MCMDC2: variants seen among roughly 807,000 people sequenced by gnomAD.
MCMDC2 encodes the protein minichromosome maintenance domain-containing protein 2.
Under a neutral mutation model 75.8 loss-of-function variants are expected in MCMDC2, and 54 were observed. The observed-to-expected ratio is 0.71, with a 90% confidence interval of 0.57 to 0.89. The LOEUF is 0.89. Ranked by LOEUF, MCMDC2 falls within the 40% of genes least tolerant of loss-of-function variation. The pLI, the probability that MCMDC2 is intolerant of heterozygous loss-of-function variation, is 0.00. For missense variants in MCMDC2, 656 were observed against 780.4 expected (o/e 0.84, Z 1.90); for synonymous variants, 249 against 274.6 (o/e 0.91, Z 0.92).
At chr8:66,894,738 AAC>A (rs1368344892) in intron 10 of MCMDC2, among the ~76,000 whole-genome samples, 1 of 152,158 alleles carries the variant, frequency 6.6e-6, no homozygotes, top group Non-Finnish European at 1.5e-5. Context: ...CATTTTTTGT[AAC>A]AGTTTTATTG....
At chr8:66,890,215 A>G (rs1247908062) in intron 9 of MCMDC2, among the ~76,000 whole-genome samples, 1 of 152,086 alleles carries the variant, frequency 6.6e-6, no homozygotes, top group Non-Finnish European at 1.5e-5. Context: ...ACAGGCATGT[A>G]ATTACAGGCC....
At chr8:66,895,944 G>A (rs16933097) in intron 10 of MCMDC2, among the ~76,000 whole-genome samples, 17,516 of 152,028 alleles carry the variant, frequency 0.12, 2,104 homozygotes, top group African/African-American at 0.3. Context: ...TTCCAGCTAC[G>A]TGCTTTGGAC....
rs1293395630 is a variant in MCMDC2, at chr8:66,889,424, G to A, written c.1074-1441G>A. Among the ~76,000 whole-genome samples, 15 of 152,246 alleles carry A rather than the reference G, an allele frequency of 9.9e-5. No individual in the cohort carries two copies. The East Asian group carries it at 2.7e-3, about 27-fold the overall frequency. On this transcript the variant is annotated intron_variant, in intron 9 of 14. Transcript: ENST00000422365. ...CAGGCAGGATTGCATGAGTCCAGGA[G>A]TTTGAGGCTGTGTGTGCTATGACTG... is the stretch of plus-strand genomic sequence containing the variant.
At chr8:66,884,787 T>C (rs574297210) in intron 9 of MCMDC2, among the ~76,000 whole-genome samples, 7 of 151,888 alleles carry the variant, frequency 4.6e-5, no homozygotes, top group Non-Finnish European at 7.4e-5. Flanking sequence ...TTGTTATCAT[T>C]ATTTTTTGAG....
rs762445720 is a variant in MCMDC2, at chr8:66,878,639, T to G, written c.547T>G (p.Leu183Val). 6.4e-7 allele frequency: 1 copy of G among 1,572,820 alleles called. No homozygotes were observed. Among genetic ancestry groups the G allele is most frequent in the South Asian group, 1.2e-5 (1 of 80,610 alleles). Residue 183 changes from leucine (L) to valine (V), a missense_variant, in exon 6 of 15, where the codon TTG becomes GTG. Physicochemically the swap from Leu to Val is conservative, Grantham distance 32. Transcript: ENST00000422365. ...ATCTGCAACGATAAGAAATGACTTT[T>G]TGTGTAATCTATGTGCATCTTCACT... is the stretch of plus-strand genomic sequence containing the variant. ...TESATIRNDF[L>V]CNLCASSLQE...
intron 4 of MCMDC2, among the ~76,000 whole-genome samples, chr8:66,875,063 C>T (rs1348039603): frequency 1.3e-5 from 2 of 151,768 alleles, no homozygotes; most frequent in South Asian, 2.1e-4. Context: ...CAACATTAAA[C>T]ACTTTTATAA....
At chr8:66,891,151 G>T (rs1812090525) in intron 10 of MCMDC2, 81 bp downstream of exon 10, 1 of 1,208,538 alleles carries the variant, frequency 8.3e-7, no homozygotes, top group Non-Finnish European at 1.1e-6. Flanking sequence ...AGTTAAGATA[G>T]TATTGCAGTT....
chr8:66,884,666 G>A (rs1811748383), intron 9 of MCMDC2: 1 of 151,886 alleles, frequency 6.6e-6, no homozygotes, highest in African/African-American at 2.4e-5. Flanking sequence ...AATTGCCACT[G>A]GTGATGTAAA....
At chr8:66,898,189 T>A (rs528313802) in intron 12 of MCMDC2, among the ~76,000 whole-genome samples, 33 of 152,336 alleles carry the variant, frequency 2.2e-4, no homozygotes, top group African/African-American at 7.9e-4. Context: ...CCCATTTTTT[T>A]ACCTGAGAAG....
Position 66,874,423 on chromosome 8 carries a change from C to T in MCMDC2, c.192C>T (p.His64=). Residue 64 remains histidine, a synonymous_variant, in exon 3 of 15, where the codon CAC becomes CAT. Coordinates refer to ENST00000422365, the MANE Select transcript of MCMDC2 (RefSeq NM_173518.5). ...CTGAGCTTGGAAATCACATTTTACA[C>T]CAACCTTTAAAAGCTGCTGAAGTCT... ...LDAELGNHIL[H]QPLKAAEVFQ... 6.2e-7 allele frequency: 1 copy of T among 1,613,786 alleles called. No individual in the cohort carries two copies. Among genetic ancestry groups the T allele is most frequent in the Non-Finnish European group, 8.5e-7 (1 of 1,179,930 alleles).
intron 14 of MCMDC2, among the ~76,000 whole-genome samples, chr8:66,906,293 A>G (rs1024118621): frequency 2.0e-5 from 3 of 152,228 alleles, no homozygotes; most frequent in Admixed American, 6.5e-5. Flanking sequence ...AGAATGTATT[A>G]ACACTAGCTT....
At chr8:66,902,805 A>G (rs1300218611) in intron 13 of MCMDC2, among the ~76,000 whole-genome samples, 1 of 149,038 alleles carries the variant, frequency 6.7e-6, no homozygotes, top group Non-Finnish European at 1.5e-5. Context: ...TATTTTTACT[A>G]TAGAGAAAAG....
rs558457886 is a variant in MCMDC2, at chr8:66,881,532, C to A, written c.835+558C>A. Reference sequence around the variant, plus strand: ...TGAAACCCCATCTCTACTAAAAATACAAAAGTAGCTGGGCATGGTGGCAGG... The same window carrying A: ...TGAAACCCCATCTCTACTAAAAATAAAAAAGTAGCTGGGCATGGTGGCAGG... On this transcript the variant is annotated intron_variant, in intron 8 of 14. Coordinates refer to ENST00000422365, the MANE Select transcript of MCMDC2 (RefSeq NM_173518.5). Among the ~76,000 whole-genome samples the A allele has an allele frequency of 2.5e-3, 384 of 152,190 alleles. 2 individuals are homozygous for A. Among genetic ancestry groups the A allele is most frequent in the Non-Finnish European group, 4.5e-3 (306 of 67,972 alleles).
rs112645348 is a variant in MCMDC2, at chr8:66,890,892, C to A, written c.1101C>A (p.Val367=). 8.4e-4 allele frequency: 1,350 copies of A among 1,611,698 alleles called. 18 individuals are homozygous for A. In the African/African-American group the frequency reaches 0.016, roughly 19 times the overall value. Residue 367 remains valine (V), a synonymous_variant, in exon 10 of 15, where the codon GTC becomes GTA. Coordinates refer to ENST00000422365, the MANE Select transcript of MCMDC2 (RefSeq NM_173518.5). ...DRLLNFSINL[V]PRGIRHLVST... Reference sequence around the variant, plus strand: ...TTCTGAATTTTAGCATAAACCTTGTCCCCCGTGGTATACGTCATCTAGTCT... The same window carrying A: ...TTCTGAATTTTAGCATAAACCTTGTACCCCGTGGTATACGTCATCTAGTCT...
chr8:66,915,908 A>C (rs1334186668), intron 14 of MCMDC2, among the ~76,000 whole-genome samples: 5 of 146,636 alleles, frequency 3.4e-5, no homozygotes. Flanking sequence ...TTTTCTTTCT[A>C]AGAATGAGAG....
At chr8:66,905,377 A>G in intron 14 of MCMDC2, 42 bp downstream of exon 14, 4 of 1,362,234 alleles carry the variant, frequency 2.9e-6, no homozygotes, top group Non-Finnish European at 3.9e-6. Context: ...AATAACTTTT[A>G]TTTAACCTTA....
Position 66,877,360 on chromosome 8 carries a change from G to A in MCMDC2, c.297G>A (p.Val99=). Residue 99 remains valine (V), a synonymous_variant, in exon 5 of 15, where the codon GTG becomes GTA. Coordinates refer to ENST00000422365, the MANE Select transcript of MCMDC2 (RefSeq NM_173518.5). ...QLQTETQINI[V]LKLTHLPPLP... ...TATGTTCTTATTAGATTAATATAGTGCTGAAATTAACACATTTACCTCCCC... is the reference window on the plus strand; with the variant it reads ...TATGTTCTTATTAGATTAATATAGTACTGAAATTAACACATTTACCTCCCC... 3 of 1,605,286 alleles carry A rather than the reference G, an allele frequency of 1.9e-6. No homozygotes were observed. The African/African-American group carries it at 4.0e-5, about 22-fold the overall frequency.
intron 14 of MCMDC2, among the ~76,000 whole-genome samples, chr8:66,918,074 T>C (rs1813387329): frequency 6.6e-6 from 1 of 152,214 alleles, no homozygotes; most frequent in South Asian, 2.1e-4. Context: ...TCATTTTGTT[T>C]TTTATTTTTA....
At chr8:66,900,162 C>T (rs1288955507) in intron 12 of MCMDC2, among the ~76,000 whole-genome samples, 1 of 151,566 alleles carries the variant, frequency 6.6e-6, no homozygotes, top group Non-Finnish European at 1.5e-5. Context: ...ATAGGCTAGG[C>T]GCGGTGGCTC....
Sources: allele counts gnomAD v4.1 joint callset (sites outside exome capture counted in the v4.1 genomes callset), GRCh38; gene constraint gnomAD v4.1.1; transcripts MANE v1.5; gene names NCBI Gene and HGNC (gene_info 2026-07-23, HGNC 2026-07-21).